The following TRAPPC10 variants were observed in gnomAD, a reference collection of about 807,000 sequenced individuals.
TRAPPC10 encodes TRAPP 130 kDa subunit.
A neutral mutation model predicts 125.5 loss-of-function variants in TRAPPC10; 23 were observed. That is an observed-to-expected ratio of 0.18 (90% CI 0.13 to 0.26). The LOEUF (loss-of-function observed/expected upper bound fraction) is 0.26. Among genes scored for constraint, TRAPPC10 ranks in the 10% least tolerant of loss-of-function variants. The probability of loss-of-function intolerance (pLI) is 1.00; values close to 1 mark genes in which losing one functional copy is unlikely to be tolerated. For missense variants in TRAPPC10, 1,123 were observed against 1,308.4 expected (o/e 0.86, Z 2.19); for synonymous variants, 509 against 518.0 (o/e 0.98, Z 0.24).
At chr21:44,077,635 T>C (rs757261717) in intron 10 of TRAPPC10, 58 bp from the exon 11 acceptor site, 32 of 1,261,870 alleles carry the variant, frequency 2.5e-5, no homozygotes, top group Non-Finnish European at 3.5e-5. Flanking sequence ...TGAATAAATG[T>C]AGTATTTGTC....
chr21:44,092,947 C>G (rs1221510215), intron 19 of TRAPPC10, among the ~76,000 whole-genome samples: 1 of 152,102 alleles, frequency 6.6e-6, no homozygotes, highest in African/African-American at 2.4e-5. Context: ...CAGGCACCCG[C>G]CAACACGCCC....
intron 2 of TRAPPC10, among the ~76,000 whole-genome samples, chr21:44,036,854 C>G (rs1171246105): frequency 6.6e-6 from 1 of 152,018 alleles, no homozygotes; most frequent in East Asian, 1.9e-4. Flanking sequence ...GTAATAAAAC[C>G]TTAAGTTACG....
intron 13 of TRAPPC10, among the ~76,000 whole-genome samples, chr21:44,081,613 C>T (rs981375736): frequency 6.6e-6 from 1 of 152,186 alleles, no homozygotes; most frequent in African/African-American, 2.4e-5. Context: ...ATCAACCTGA[C>T]CCTGAAACTT....
intron 2 of TRAPPC10, among the ~76,000 whole-genome samples, chr21:44,033,133 A>G (rs1421601770): frequency 6.6e-6 from 1 of 152,242 alleles, no homozygotes; most frequent in Admixed American, 6.5e-5. Context: ...ATGTAAATGT[A>G]AATTTGTAAA....
chr21:44,078,488 A>G (rs1256979638), intron 11 of TRAPPC10, among the ~76,000 whole-genome samples: 1 of 151,814 alleles, frequency 6.6e-6, no homozygotes, highest in Admixed American at 6.6e-5. Context: ...TGAAATCTGT[A>G]CTCAAGTGAT....
intron 7 of TRAPPC10, among the ~76,000 whole-genome samples, chr21:44,071,635 G>A (rs2036874920): frequency 6.6e-6 from 1 of 152,200 alleles, no homozygotes; most frequent in African/African-American, 2.4e-5. Context: ...AGGCGGCACT[G>A]CAGAAAGGGT....
chr21:44,063,547 A>G lies in TRAPPC10; in HGVS notation c.800A>G (p.Asn267Ser), dbSNP rs772479164. ...ATGTGTGTTTGTTTAGATGGTGCCA[A>G]CTGGCTGACTTTTTTCTGCCAGCCA... ...VVNFGAGDGA[N>S]WLTFFCQPVK... is the part of the protein sequence containing the mutation. The change falls in exon 7 of 23, where the codon AAC becomes AGC. Residue 267 changes from asparagine (N) to serine (S), a missense_variant. By Grantham distance (46) the Asn-to-Ser change is conservative (BLOSUM62 1). This residue lies in a region of TRAPPC10 where 91 missense variants were observed against 127.1 expected (regional missense o/e 0.72). Coordinates refer to ENST00000291574, the MANE Select transcript of TRAPPC10 (RefSeq NM_003274.5). This position sits in a 1 kb window ranked among gnomAD's most constrained non-coding sequence, Gnocchi z 4.4. The G allele has an allele frequency of 2.5e-6, 4 of 1,614,192 alleles. No individual in the cohort carries two copies. In the Admixed American group the frequency reaches 5.0e-5, roughly 20 times the overall value.
At chr21:44,045,620 C>T (rs1243232143) in intron 3 of TRAPPC10, among the ~76,000 whole-genome samples, 4 of 151,618 alleles carry the variant, frequency 2.6e-5, no homozygotes, top group Middle Eastern at 3.4e-3. Flanking sequence ...GGAGCAATCT[C>T]GGCTCACTGC....
intron 1 of TRAPPC10, among the ~76,000 whole-genome samples, chr21:44,024,383 T>C (rs1428364972): frequency 6.6e-6 from 1 of 152,196 alleles, no homozygotes; most frequent in Non-Finnish European, 1.5e-5. Flanking sequence ...TTCTAACAAA[T>C]GCCCAGGTGG....
intron 5 of TRAPPC10, among the ~76,000 whole-genome samples, chr21:44,057,699 A>G (rs529014531): frequency 6.0e-4 from 92 of 152,368 alleles, no homozygotes; most frequent in Middle Eastern, 3.4e-3. Context: ...TAAATACTTC[A>G]CAAATAAAAT....
chr21:44,082,723 CCTG>C lies in TRAPPC10; in HGVS notation c.1724-56_1724-54del. The C allele has an allele frequency of 6.4e-7, 1 of 1,571,824 alleles. No individual in the cohort carries two copies. The highest frequency in any genetic ancestry group is 8.7e-7 in the Non-Finnish European group (1 of 1,152,522). Reference sequence around the variant, plus strand: ...CTCGGTGATCTTACTGTGTCCGCGGCCTGCTGCTGCTTACTGTCAGGAAGTGTG... The same window carrying C: ...CTCGGTGATCTTACTGTGTCCGCGGCCTGCTGCTTACTGTCAGGAAGTGTG... On this transcript the variant is annotated intron_variant, in intron 13 of 22. Coordinates refer to ENST00000291574, the MANE Select transcript of TRAPPC10 (RefSeq NM_003274.5). The surrounding 1 kb of genome is among the most constrained non-coding windows in gnomAD (Gnocchi z 4.4).
intron 5 of TRAPPC10, among the ~76,000 whole-genome samples, chr21:44,056,108 G>A (rs930977477): frequency 1.3e-5 from 2 of 152,152 alleles, no homozygotes; most frequent in African/African-American, 2.4e-5. Context: ...GCCCCGGGGA[G>A]CCTCTGGGGG....
chr21:44,038,867 A>G (rs1000945307), intron 3 of TRAPPC10, among the ~76,000 whole-genome samples: 4 of 151,826 alleles, frequency 2.6e-5, no homozygotes, highest in East Asian at 1.9e-4. Context: ...CTCCTTTCCC[A>G]CGGGCTCCAC....
rs922886014 is a variant in TRAPPC10, at chr21:44,063,333, G to A, written c.791-205G>A. Among the ~76,000 whole-genome samples, 6 of 152,294 alleles carry A rather than the reference G, an allele frequency of 3.9e-5. No individual in the cohort carries two copies. Among genetic ancestry groups the A allele is most frequent in the African/African-American group, 1.4e-4 (6 of 41,550 alleles). On this transcript the variant is annotated intron_variant, in intron 6 of 22. Transcript: ENST00000291574. This position sits in a 1 kb window ranked among gnomAD's most constrained non-coding sequence, Gnocchi z 4.4. ...CTTTCTGGGCATGGTAGGGTGGTGTGCCTTGTTGCCTGGGTCACGTTACCC... is the reference window on the plus strand; with the variant it reads ...CTTTCTGGGCATGGTAGGGTGGTGTACCTTGTTGCCTGGGTCACGTTACCC...
chr21:44,070,885 TG>T (rs2036817624), intron 7 of TRAPPC10, among the ~76,000 whole-genome samples: 1 of 152,174 alleles, frequency 6.6e-6, no homozygotes. Flanking sequence ...CACTTGGGCC[TG>T]GGGGCGTCTT....
At chr21:44,084,308 G>A (rs746691616) in intron 15 of TRAPPC10, 45 bp downstream of exon 15, 1 of 1,583,934 alleles carries the variant, frequency 6.3e-7, no homozygotes, top group Non-Finnish European at 8.6e-7. Context: ...TGCTGGGGCA[G>A]TTCTGAGGAG....
intron 1 of TRAPPC10, among the ~76,000 whole-genome samples, chr21:44,030,441 C>T (rs529133824): frequency 3.0e-4 from 45 of 152,028 alleles, no homozygotes; most frequent in Non-Finnish European, 6.0e-4. Context: ...AGATTTTCTT[C>T]TTTTCTTTTA....
Position 44,059,620 on chromosome 21 carries a change from G to T in TRAPPC10, c.790+406G>T. ...GCTGTGAACTTATAAAATGCCCTTG[G>T]GTGTTCATCTTTCTTTTGCACTTTT... is the stretch of plus-strand genomic sequence containing the variant. On this transcript the variant is annotated intron_variant, in intron 6 of 22. Transcript: ENST00000291574. The surrounding 1 kb of genome is among the most constrained non-coding windows in gnomAD (Gnocchi z 4.4). The T allele has an allele frequency of 3.2e-6, 2 of 627,792 alleles. No individual in the cohort carries two copies. The highest frequency in any genetic ancestry group is 2.9e-6 in the Non-Finnish European group (1 of 342,946). 38.9% of individuals were successfully genotyped at this position (627,792 alleles called of 1,614,324 possible). A position where few individuals can be genotyped will look rare whatever the true frequency, so the allele number is the denominator to read the frequency against.
chr21:44,076,009 A>G (rs890374923), intron 9 of TRAPPC10, among the ~76,000 whole-genome samples: 8 of 151,920 alleles, frequency 5.3e-5, no homozygotes, highest in Admixed American at 4.6e-4. Flanking sequence ...AGATTGCTCC[A>G]TTGCACTCCA....
Sources: allele counts gnomAD v4.1 joint callset (sites outside exome capture counted in the v4.1 genomes callset), GRCh38; gene constraint gnomAD v4.1.1; regional missense constraint gnomAD v4.1.1; non-coding constraint Gnocchi (gnomAD v3.1); transcripts MANE v1.5; gene names NCBI Gene and HGNC (gene_info 2026-07-23, HGNC 2026-07-21).